ARHGEF7: variants seen among roughly 807,000 people sequenced by gnomAD.
ARHGEF7 encodes PAK-interacting exchange factor beta.
ARHGEF7 carries 33 observed loss-of-function variants against 109.8 expected under a neutral mutation model. The ratio of observed to expected loss-of-function variants is 0.30; its 90% CI spans 0.23 to 0.40. The LOEUF (loss-of-function observed/expected upper bound fraction) is 0.40, where lower values mean the gene tolerates loss of function less well. ARHGEF7 is among the 10% of genes least tolerant of loss of function. ARHGEF7 has a pLI of 1.00. For synonymous variants in ARHGEF7, 458 were observed against 424.6 expected (o/e 1.08, Z -0.97); for missense variants, 938 against 1,098.5 (o/e 0.85, Z 2.07).
In ARHGEF7 at chr13:111,254,567, A is replaced by G. The variant is rs75646281; in HGVS notation, c.950+10273A>G. 4.1e-3 allele frequency among the ~76,000 whole-genome samples: 582 copies of G among 141,454 alleles called. 7 individuals are homozygous for G. Among genetic ancestry groups the G allele is most frequent in the South Asian group, 0.014 (59 of 4,164 alleles). The allele number at this position is 141,454 out of a possible 152,430, so 92.8% of individuals were successfully genotyped here. A position where few individuals can be genotyped will look rare whatever the true frequency, so the allele number is the denominator to read the frequency against. On this transcript the variant is annotated intron_variant, in intron 8 of 21. Coordinates refer to ENST00000646102, the MANE Select transcript of ARHGEF7 (RefSeq NM_001354046.2). The stretch of plus-strand genomic sequence containing the variant: ...AGGATTCGGGCTAAGGCGCTGAGTC[A>G]CTAACGTGAAGGCTGGCCTCAGAAG...
chr13:111,140,041 ATTAC>A (rs1195927851), intron 1 of ARHGEF7, among the ~76,000 whole-genome samples: 1 of 152,162 alleles, frequency 6.6e-6, no homozygotes, highest in African/African-American at 2.4e-5. Flanking sequence ...GACCAACTAT[ATTAC>A]TTTTTGGTAT....
intron 2 of ARHGEF7, 123 bp from the exon 3 acceptor site, chr13:111,205,166 C>A: frequency 1.5e-6 from 1 of 664,058 alleles, no homozygotes; most frequent in Non-Finnish European, 2.6e-6. Flanking sequence ...GTCTCCCTGT[C>A]GCAGGTTGTG....
chr13:111,183,091 C>A (rs1370734218), intron 2 of ARHGEF7, among the ~76,000 whole-genome samples: 1 of 152,134 alleles, frequency 6.6e-6, no homozygotes, highest in East Asian at 1.9e-4. Flanking sequence ...GGATGTACCC[C>A]ATTGTGAGTT....
chr13:111,181,574 T>C (rs556497718), intron 2 of ARHGEF7, among the ~76,000 whole-genome samples: 1 of 152,278 alleles, frequency 6.6e-6, no homozygotes, highest in East Asian at 1.9e-4. Flanking sequence ...GGAGTATTTC[T>C]CCAGGTGCTG....
At chr13:111,264,452 C>A (rs2091410478) in intron 8 of ARHGEF7, among the ~76,000 whole-genome samples, 1 of 152,140 alleles carries the variant, frequency 6.6e-6, no homozygotes, top group South Asian at 2.1e-4. Flanking sequence ...GGACAGCCTC[C>A]CATCTGCGCA....
chr13:111,221,505 A>ATATATAGATATATATCTATATATATC (rs2084253304), intron 5 of ARHGEF7, among the ~76,000 whole-genome samples: 4 of 74,676 alleles, frequency 5.4e-5, no homozygotes, highest in African/African-American at 2.1e-4. Flanking sequence ...ATATATATCT[A>ATATATAGATATATATCTATATATATC]TATATATAGA....
chr13:111,218,497 G>A (rs1226601429), intron 5 of ARHGEF7, among the ~76,000 whole-genome samples: 1 of 152,200 alleles, frequency 6.6e-6, no homozygotes, highest in African/African-American at 2.4e-5. Flanking sequence ...GGTGGGATTT[G>A]TGAAGGGAAC....
chr13:111,216,138 G>A (rs768000645), intron 4 of ARHGEF7, among the ~76,000 whole-genome samples: 1 of 152,184 alleles, frequency 6.6e-6, no homozygotes, highest in African/African-American at 2.4e-5. Context: ...TATGTCTTCT[G>A]TCAAATTTGG....
At chr13:111,237,365 G>A (rs2086976255) in intron 6 of ARHGEF7, among the ~76,000 whole-genome samples, 1 of 152,132 alleles carries the variant, frequency 6.6e-6, no homozygotes, top group African/African-American at 2.4e-5. Context: ...ATTTTAATAG[G>A]CATATTTTCT....
chr13:111,254,447 G>A (rs556694854), intron 8 of ARHGEF7, among the ~76,000 whole-genome samples: 1 of 133,618 alleles, frequency 7.5e-6, no homozygotes, highest in Non-Finnish European at 1.7e-5. Context: ...AAGAGGATTC[G>A]GGCTAAGGCG....
intron 4 of ARHGEF7, among the ~76,000 whole-genome samples, chr13:111,213,434 A>G (rs1159173475): frequency 3.3e-5 from 5 of 152,240 alleles, no homozygotes; most frequent in Non-Finnish European, 4.4e-5. Context: ...AGTTTTATAC[A>G]TGGAACATTC....
intron 1 of ARHGEF7, among the ~76,000 whole-genome samples, chr13:111,127,956 G>A (rs1435417850): frequency 1.3e-5 from 2 of 152,122 alleles, no homozygotes; most frequent in Non-Finnish European, 2.9e-5. Flanking sequence ...GAAAAATCCA[G>A]AGGATTATCT....
chr13:111,226,458 T>TGAA (rs2085222766), intron 5 of ARHGEF7, among the ~76,000 whole-genome samples: 1 of 152,358 alleles, frequency 6.6e-6, no homozygotes, highest in South Asian at 2.1e-4. Context: ...CTGAAAATCC[T>TGAA]AGTACCCTTA....
intron 8 of ARHGEF7, chr13:111,265,680 C>T (rs1368284452): frequency 2.2e-6 from 1 of 456,520 alleles, no homozygotes. Flanking sequence ...TCTGTTACTA[C>T]AGATGATCAC....
intron 8 of ARHGEF7, among the ~76,000 whole-genome samples, chr13:111,260,870 A>C (rs182567683): frequency 2.2e-4 from 33 of 152,378 alleles, no homozygotes; most frequent in African/African-American, 6.3e-4. Context: ...AGAGTTTTTA[A>C]TTAATGTTCT....
chr13:111,129,637 C>T (rs2074635162), intron 1 of ARHGEF7, among the ~76,000 whole-genome samples: 1 of 152,132 alleles, frequency 6.6e-6, no homozygotes, highest in Non-Finnish European at 1.5e-5. Context: ...CATTATCAGT[C>T]ATTAGGGAAG....
rs74753918 is a variant in ARHGEF7 at position 111,202,622 on chromosome 13, C to T, written c.253-2667C>T. ...CCGTCTAAGACACTTGTTTTAATAACCCTAGGGAACAATTTAGTGTGCTAA... is the reference window on the plus strand; with the variant it reads ...CCGTCTAAGACACTTGTTTTAATAATCCTAGGGAACAATTTAGTGTGCTAA... On this transcript the variant is annotated intron_variant, in intron 2 of 21. Transcript: ENST00000646102. 8.1e-4 allele frequency among the ~76,000 whole-genome samples: 123 copies of T among 152,326 alleles called. 2 individuals carry two copies. The East Asian group carries it at 0.023, about 28-fold the overall frequency.
At chr13:111,293,618 C>T (rs769179314) in intron 19 of ARHGEF7, 43 of 985,160 alleles carry the variant, frequency 4.4e-5, no homozygotes, top group Admixed American at 6.1e-5. Flanking sequence ...GTCCCATGCA[C>T]GCTCTATTTG....
At chr13:111,126,015 T>C (rs1481289667) in intron 1 of ARHGEF7, among the ~76,000 whole-genome samples, 3 of 152,224 alleles carry the variant, frequency 2.0e-5, no homozygotes, top group Non-Finnish European at 4.4e-5. Context: ...AGTCCAGGCC[T>C]CTGTTTACCT....
Sources: allele counts gnomAD v4.1 joint callset (sites outside exome capture counted in the v4.1 genomes callset), GRCh38; gene constraint gnomAD v4.1.1; transcripts MANE v1.5; gene names NCBI Gene and HGNC (gene_info 2026-07-23, HGNC 2026-07-21).